UBE2D2: variants seen among roughly 807,000 people sequenced by gnomAD.
The protein encoded by UBE2D2 is ubiquitin conjugating enzyme E2 D2, also known as ubiquitin-conjugating enzyme E2 D2.
Under a neutral mutation model 24.2 loss-of-function variants are expected in UBE2D2, and 2 were observed. That is an observed-to-expected ratio of 0.08 (90% CI 0.03 to 0.26). The LOEUF is 0.26. Among genes scored for constraint, UBE2D2 ranks in the 10% least tolerant of loss-of-function variants. The probability of loss-of-function intolerance (pLI) is 1.00; values close to 1 mark genes in which losing one functional copy is unlikely to be tolerated. For missense variants in UBE2D2, 44 were observed against 177.6 expected (o/e 0.25, Z 4.28); for synonymous variants, 58 against 56.5 (o/e 1.03, Z -0.12).
intron 1 of UBE2D2, among the ~76,000 whole-genome samples, chr5:139,541,878 C>A (rs1752766210): frequency 6.6e-6 from 1 of 151,952 alleles, no homozygotes; most frequent in Non-Finnish European, 1.5e-5. Flanking sequence ...ATGGTGAAAC[C>A]CTGTCTCTAC....
At chr5:139,557,381 A>G (rs1752993642), upstream of UBE2D2, among the ~76,000 whole-genome samples, 1 of 151,958 alleles carries the variant, frequency 6.6e-6, no homozygotes. Flanking sequence ...GTGATTCACC[A>G]GCCTCGGCTT....
intron 1 of UBE2D2, among the ~76,000 whole-genome samples, chr5:139,586,480 C>T (rs1013271505): frequency 5.9e-5 from 9 of 152,068 alleles, no homozygotes; most frequent in South Asian, 2.1e-4. Context: ...AAAGAATTTT[C>T]TTAGGCTGGA....
intron 5 of UBE2D2, among the ~76,000 whole-genome samples, chr5:139,622,845 G>A (rs1228302632): frequency 2.0e-5 from 3 of 151,768 alleles, no homozygotes; most frequent in Admixed American, 6.6e-5. Context: ...AGCCTAGACC[G>A]CGCCGCGCCA....
At chr5:139,592,038 C>T (rs1203941181) in intron 1 of UBE2D2, among the ~76,000 whole-genome samples, 1 of 152,036 alleles carries the variant, frequency 6.6e-6, no homozygotes, top group Non-Finnish European at 1.5e-5. Context: ...GCCATCTCTA[C>T]TAAAAGTACA....
rs372182724 is a variant in UBE2D2, at chr5:139,544,153, C to A, written c.-64+17541C>A. ...AAATGTGTTACTCATCTGTCTAGAT[C>A]TTTTTTCTTTCTTTCTTTTTTTTTT... On this transcript the variant is annotated intron_variant, in intron 1 of 6. Coordinates refer to the UBE2D2 transcript ENST00000511725. Among the ~76,000 whole-genome samples, 3 of 147,886 alleles carry A rather than the reference C, an allele frequency of 2.0e-5. No homozygotes were observed. The East Asian group carries it at 5.9e-4, about 29-fold the overall frequency.
intron 1 of UBE2D2, among the ~76,000 whole-genome samples, chr5:139,593,558 A>G (rs1261338129): frequency 6.6e-6 from 1 of 152,104 alleles, no homozygotes; most frequent in Admixed American, 6.6e-5. Context: ...TAACACACAA[A>G]TAGGTATTGA....
At chr5:139,617,204 C>G (rs1200858002) in intron 5 of UBE2D2, among the ~76,000 whole-genome samples, 2 of 151,128 alleles carry the variant, frequency 1.3e-5, no homozygotes, top group Non-Finnish European at 2.9e-5. Context: ...AAGTATTGAT[C>G]TTTACAAATA....
chr5:139,543,623 A>G (rs1161248812), intron 1 of UBE2D2, among the ~76,000 whole-genome samples: 1 of 152,216 alleles, frequency 6.6e-6, no homozygotes, highest in Non-Finnish European at 1.5e-5. Flanking sequence ...CAGCTTTCTC[A>G]CTAGCGACTC....
At chr5:139,607,821 A>G (rs898646875) in intron 2 of UBE2D2, among the ~76,000 whole-genome samples, 22 of 152,118 alleles carry the variant, frequency 1.4e-4, no homozygotes, top group African/African-American at 5.1e-4. Flanking sequence ...AGCTTGGGCA[A>G]CATAGCAAGA....
intron 2 of UBE2D2, among the ~76,000 whole-genome samples, chr5:139,605,078 A>G (rs1754170240): frequency 6.6e-6 from 1 of 152,134 alleles, no homozygotes; most frequent in Non-Finnish European, 1.5e-5. Context: ...CTATCCTGGT[A>G]CCCAAATCCC....
chr5:139,610,553 A>AT (rs919987089), intron 2 of UBE2D2, among the ~76,000 whole-genome samples: 28 of 139,980 alleles, frequency 2.0e-4, no homozygotes, highest in East Asian at 2.2e-4. Context: ...AAAAAAATAT[A>AT]TTTTTTTTTT....
At chr5:139,564,132 T>A (rs912058183) in intron 1 of UBE2D2, among the ~76,000 whole-genome samples, 4 of 152,196 alleles carry the variant, frequency 2.6e-5, no homozygotes, top group East Asian at 1.9e-4. Flanking sequence ...AAGATTTTTT[T>A]AATAAAATCA....
intron 1 of UBE2D2, among the ~76,000 whole-genome samples, chr5:139,529,471 A>G (rs1752576803): frequency 6.6e-6 from 1 of 152,170 alleles, no homozygotes. Context: ...GTCAAAAATC[A>G]TATTTATGCG....
intron 2 of UBE2D2, among the ~76,000 whole-genome samples, chr5:139,602,661 G>A (rs1424426708): frequency 1.3e-5 from 2 of 151,910 alleles, no homozygotes; most frequent in African/African-American, 4.8e-5. Flanking sequence ...CTGGGCAACG[G>A]GAGCGAGACT....
intron 1 of UBE2D2, 142 bp downstream of exon 1, chr5:139,561,957 C>A: frequency 8.3e-7 from 1 of 1,200,966 alleles, no homozygotes; most frequent in Non-Finnish European, 1.1e-6. Flanking sequence ...CCATACCCCA[C>A]TCCCAGTGAT....
chr5:139,575,434 G>C (rs772162518), intron 1 of UBE2D2, among the ~76,000 whole-genome samples: 33 of 151,774 alleles, frequency 2.2e-4, no homozygotes, highest in Non-Finnish European at 8.8e-5. Flanking sequence ...GTCACCCCAA[G>C]CAAAAAAAGA....
chr5:139,611,284 T>C (rs1281296173), intron 2 of UBE2D2, among the ~76,000 whole-genome samples: 4 of 147,138 alleles, frequency 2.7e-5, no homozygotes, highest in South Asian at 4.4e-4. Context: ...CCTCCGAGTT[T>C]CAAGTGATTC....
At chr5:139,592,996 CTTTTT>C (rs138217969) in intron 1 of UBE2D2, among the ~76,000 whole-genome samples, 2 of 124,792 alleles carry the variant, frequency 1.6e-5, no homozygotes, top group Non-Finnish European at 1.7e-5. Context: ...TTCTTTTTTC[CTTTTT>C]TTTTTTTTTT....
intron 1 of UBE2D2, among the ~76,000 whole-genome samples, chr5:139,549,315 G>A (rs2126637571): frequency 6.6e-6 from 1 of 152,290 alleles, no homozygotes; most frequent in East Asian, 1.9e-4. Context: ...GCCGGAGCCA[G>A]CTCCCTCTGC....
Sources: gnomAD v4.1 joint callset for allele counts (sites outside exome capture counted in the v4.1 genomes callset) on GRCh38, gnomAD v4.1.1 for gene constraint, MANE v1.5 for transcripts, NCBI Gene and HGNC (gene_info 2026-07-23, HGNC 2026-07-21) for gene names.